SPAG9: variants seen among roughly 807,000 people sequenced by gnomAD.
The protein encoded by SPAG9 is sperm associated antigen 9.
Under a neutral mutation model 166.5 loss-of-function variants are expected in SPAG9, and 35 were observed. The observed-to-expected ratio is 0.21, with a 90% CI of 0.16 to 0.28. The LOEUF is 0.28. Ranked by LOEUF, SPAG9 falls within the 10% of genes least tolerant of loss-of-function variation. SPAG9 has a pLI of 1.00. For missense variants in SPAG9, 1,235 were observed against 1,603.3 expected, an observed-to-expected ratio of 0.77 and a Z score of 3.92; for synonymous variants, 534 against 565.5, an observed-to-expected ratio of 0.94 and a Z score of 0.79.
rs1973219778 is a variant in SPAG9, at chr17:50,963,699, G to T, written c.*2573C>A. On this transcript the variant is annotated 3_prime_UTR_variant, in exon 30 of 30. Coordinates refer to ENST00000262013, the MANE Select transcript of SPAG9 (RefSeq NM_001130528.3). ...AACATGGCTGAACAACAGCAAATGG[G>T]ATCTGACTCTGGGATGTTTACTTCT... The T allele has an allele frequency of 6.6e-6, 1 of 152,148 alleles. No individual in the cohort carries two copies. The highest frequency in any genetic ancestry group is 1.5e-5 in the Non-Finnish European group (1 of 68,018). 9.4% of individuals were successfully genotyped at this position (152,148 alleles called of 1,614,324 possible).
chr17:50,973,137 GA>G (rs1405348943), intron 28 of SPAG9, among the ~76,000 whole-genome samples: 3 of 152,192 alleles, frequency 2.0e-5, no homozygotes, highest in Non-Finnish European at 4.4e-5. Flanking sequence ...CAAAAAATGA[GA>G]AGCAAGTTGT....
chr17:51,109,008 G>A (rs976322909), intron 1 of SPAG9, among the ~76,000 whole-genome samples: 7 of 150,806 alleles, frequency 4.6e-5, no homozygotes, highest in South Asian at 2.1e-4. Context: ...GATTACAGAC[G>A]TGCACCACCA....
At chr17:50,978,057 T>C (rs1451266899) in intron 26 of SPAG9, among the ~76,000 whole-genome samples, 2 of 152,262 alleles carry the variant, frequency 1.3e-5, no homozygotes, top group East Asian at 3.8e-4. Flanking sequence ...TTAAGTATTA[T>C]ACACAAATAA....
In SPAG9 at chr17:51,031,364, C is replaced by G. The variant is rs1301872662; in HGVS notation, c.783+317G>C. On this transcript the variant is annotated intron_variant, in intron 6 of 29. Coordinates refer to ENST00000262013, the MANE Select transcript of SPAG9 (RefSeq NM_001130528.3). ...AAATACAAGTTACATACATTATGCC[C>G]TGAAGAAGGTATTTCTGGAAAGTAT... is the stretch of plus-strand genomic sequence containing the variant. The G allele has an allele frequency of 8.6e-6, 3 of 349,794 alleles. No homozygotes were observed. The East Asian group carries it at 1.9e-4, about 23-fold the overall frequency. The allele number at this position is 349,794 out of a possible 1,614,324, so 21.7% of individuals were successfully genotyped here. A position where few individuals can be genotyped will look rare whatever the true frequency, so the allele number is the denominator to read the frequency against.
chr17:51,037,691 T>TATATATATATATATA lies in SPAG9; in HGVS notation c.741+3809_741+3810insTATATATATATATAT, dbSNP rs1179792305. ...TATATATATATATATATATAGTGTG[T>TATATATATATATATA]GTGTGTGTGTGTGTGTGTGTGTGTG... On this transcript the variant is annotated intron_variant, in intron 5 of 29. Transcript: ENST00000262013. 3.0e-4 allele frequency among the ~76,000 whole-genome samples: 27 copies of TATATATATATATATA among 90,660 alleles called. 1 individual carries two copies. Among genetic ancestry groups the TATATATATATATATA allele is most frequent in the South Asian group, 6.5e-4 (2 of 3,100 alleles). 59.5% of individuals were successfully genotyped at this position (90,660 alleles called of 152,430 possible).
intron 21 of SPAG9, 86 bp from the exon 22 acceptor site, chr17:50,987,323 G>A (rs1462592496): frequency 5.4e-5 from 65 of 1,214,418 alleles, no homozygotes; most frequent in Non-Finnish European, 7.3e-5. Flanking sequence ...CTATATTTAA[G>A]TTTGTTCATT....
chr17:51,076,614 T>TA (rs761855144), intron 2 of SPAG9, among the ~76,000 whole-genome samples: 3 of 151,934 alleles, frequency 2.0e-5, no homozygotes, highest in Non-Finnish European at 4.4e-5. Context: ...TGCATGCCTG[T>TA]AGTCCCAGCT....
At chr17:50,991,300 G>A (rs1390988510) in intron 19 of SPAG9, among the ~76,000 whole-genome samples, 2 of 151,988 alleles carry the variant, frequency 1.3e-5, no homozygotes, top group African/African-American at 4.8e-5. Context: ...AAATCATCAA[G>A]ACTACTGCTA....
chr17:51,014,136 G>T (rs1398435898), intron 9 of SPAG9, 96 bp downstream of exon 9: 2 of 1,052,412 alleles, frequency 1.9e-6, no homozygotes, highest in South Asian at 2.0e-5. Context: ...CTGTATCACT[G>T]AGCAGTTGGG....
At chr17:50,971,426 C>CATAT (rs1448547363) in intron 28 of SPAG9, among the ~76,000 whole-genome samples, 4 of 149,048 alleles carry the variant, frequency 2.7e-5, no homozygotes, top group African/African-American at 5.0e-5. Context: ...ATATGCATGG[C>CATAT]AAGGTGGGTC....
intron 1 of SPAG9, among the ~76,000 whole-genome samples, chr17:51,089,077 G>A (rs1469709477): frequency 6.6e-6 from 1 of 151,646 alleles, no homozygotes; most frequent in African/African-American, 2.4e-5. Flanking sequence ...GAGCAACAGA[G>A]GGAGATTCTG....
intron 21 of SPAG9, 25 bp downstream of exon 21, chr17:50,989,652 C>A: frequency 6.2e-7 from 1 of 1,601,292 alleles, no homozygotes; most frequent in Non-Finnish European, 8.6e-7. Flanking sequence ...ACCCAGTTGC[C>A]TAAGTTGATG....
intron 6 of SPAG9, among the ~76,000 whole-genome samples, chr17:51,028,803 T>C (rs747435693): frequency 6.6e-6 from 1 of 152,208 alleles, no homozygotes; most frequent in Non-Finnish European, 1.5e-5. Context: ...CATGCTGTCA[T>C]TTCACATTCA....
At chr17:50,976,211 A>C (rs1974197181) in intron 27 of SPAG9, among the ~76,000 whole-genome samples, 1 of 152,164 alleles carries the variant, frequency 6.6e-6, no homozygotes, top group African/African-American at 2.4e-5. Context: ...TAAATGCTAA[A>C]ATTTCTCCTT....
At position 51,018,300 on chromosome 17, in the gene SPAG9, G is replaced by C. The variant is rs1461204881; in HGVS notation, c.1091+1859C>G. On this transcript the variant is annotated intron_variant, in intron 8 of 29. Transcript: ENST00000262013. ...GGGGTGGGGGTGGGAGTGGGGTGAA[G>C]GTTGCAGTGAGCTGAGATAGCACCA... Among the ~76,000 whole-genome samples the C allele has an allele frequency of 2.6e-5, 4 of 151,352 alleles. No homozygotes were observed. The South Asian group carries it at 8.4e-4, about 32-fold the overall frequency.
At chr17:51,099,916 A>G (rs1420288554) in intron 1 of SPAG9, among the ~76,000 whole-genome samples, 1 of 151,708 alleles carries the variant, frequency 6.6e-6, no homozygotes, top group African/African-American at 2.4e-5. Context: ...CCTGGCCAAA[A>G]AGACAAAACC....
At chr17:51,007,138 T>C (rs929970255) in intron 10 of SPAG9, 131 bp downstream of exon 10, 64 of 521,534 alleles carry the variant, frequency 1.2e-4, no homozygotes, top group Middle Eastern at 3.7e-4. Flanking sequence ...TGTGTGTGTG[T>C]GCACACTCAG....
At chr17:51,073,421 G>A (rs1195792347) in intron 2 of SPAG9, among the ~76,000 whole-genome samples, 4 of 152,102 alleles carry the variant, frequency 2.6e-5, no homozygotes, top group African/African-American at 9.7e-5. Flanking sequence ...CTGGGAGGTT[G>A]AGGCTACAGT....
chr17:51,024,171 A>G (rs956090501), intron 6 of SPAG9, among the ~76,000 whole-genome samples: 3 of 151,902 alleles, frequency 2.0e-5, no homozygotes, highest in Non-Finnish European at 4.4e-5. Context: ...AGGTGCCTGT[A>G]ATTCCAGCTA....
Sources: allele counts gnomAD v4.1 joint callset (sites outside exome capture counted in the v4.1 genomes callset), GRCh38; gene constraint gnomAD v4.1.1; transcripts MANE v1.5; gene names NCBI Gene and HGNC (gene_info 2026-07-23, HGNC 2026-07-21).